TBC1D5: variants seen among roughly 807,000 people sequenced by gnomAD.
TBC1D5 encodes the protein TBC1 domain family member 5, also known as TBC1 domain family, member 5.
TBC1D5 carries 75 observed loss-of-function variants against 100.3 expected under a neutral mutation model. The observed-to-expected ratio is 0.75, with a 90% CI of 0.62 to 0.91. The LOEUF (loss-of-function observed/expected upper bound fraction) is 0.91. Among genes scored for constraint, TBC1D5 ranks in the 40% least tolerant of loss-of-function variants. TBC1D5 has a pLI of 0.00. For synonymous variants in TBC1D5, 323 were observed against 325.6 expected, an observed-to-expected ratio of 0.99 and a Z score of 0.09; for missense variants, 910 against 942.4, an observed-to-expected ratio of 0.97 and a Z score of 0.45.
chr3:17,728,387 G>A (rs1436479003), intron 1 of TBC1D5, among the ~76,000 whole-genome samples: 2 of 152,080 alleles, frequency 1.3e-5, no homozygotes, highest in Admixed American at 6.6e-5. Context: ...AGAATCAACT[G>A]AAAAACTATC....
At chr3:17,184,059 T>A (rs1031648339) in intron 19 of TBC1D5, among the ~76,000 whole-genome samples, 2 of 152,204 alleles carry the variant, frequency 1.3e-5, no homozygotes, top group Non-Finnish European at 2.9e-5. Flanking sequence ...AGGCTGTCCA[T>A]AAATGGGCTA....
At chr3:17,323,489 CTATT>C (rs61581313) in intron 13 of TBC1D5, among the ~76,000 whole-genome samples, 3,718 of 152,134 alleles carry the variant, frequency 0.024, 100 homozygotes, top group East Asian at 0.072. Context: ...AAACAAAACA[CTATT>C]TAAACTAGTG....
intron 1 of TBC1D5, among the ~76,000 whole-genome samples, chr3:17,678,666 T>TTAA (rs1222309989): frequency 4.6e-4 from 50 of 109,082 alleles, no homozygotes; most frequent in African/African-American, 2.0e-3. Flanking sequence ...AAAAGAGGGA[T>TTAA]AAAAAAAAAA....
At chr3:17,271,738 G>T (rs1166652441) in intron 15 of TBC1D5, among the ~76,000 whole-genome samples, 1 of 151,966 alleles carries the variant, frequency 6.6e-6, no homozygotes, top group South Asian at 2.1e-4. Flanking sequence ...GTTGGCTGTG[G>T]GTTTGTCATA....
chr3:17,471,080 C>A (rs543626644), intron 3 of TBC1D5, among the ~76,000 whole-genome samples: 20 of 152,274 alleles, frequency 1.3e-4, no homozygotes, highest in African/African-American at 4.8e-4. Context: ...CACTATCACT[C>A]CAGTGAGAAC....
intron 19 of TBC1D5, among the ~76,000 whole-genome samples, chr3:17,168,966 C>T (rs1037469596): frequency 3.9e-5 from 6 of 152,180 alleles, no homozygotes; most frequent in South Asian, 2.1e-4. Context: ...AGAACCAGTG[C>T]GCTGTGCCCT....
intron 2 of TBC1D5, among the ~76,000 whole-genome samples, chr3:17,532,724 A>G (rs2096242986): frequency 6.6e-6 from 1 of 152,088 alleles, no homozygotes; most frequent in Non-Finnish European, 1.5e-5. Context: ...TTCTCAGCAA[A>G]CTATCGCAAG....
chr3:17,234,086 AAAGT>A (rs1448350363), intron 17 of TBC1D5, among the ~76,000 whole-genome samples: 1 of 152,042 alleles, frequency 6.6e-6, no homozygotes, highest in African/African-American at 2.4e-5. Flanking sequence ...CTTTCATCCA[AAAGT>A]AAGTTATATG....
chr3:17,217,946 C>A (rs1245674854), intron 17 of TBC1D5, among the ~76,000 whole-genome samples: 4 of 151,992 alleles, frequency 2.6e-5, no homozygotes, highest in African/African-American at 9.7e-5. Flanking sequence ...AACCTGAGGT[C>A]ATGAAGATTT....
exon 15 of TBC1D5, chr3:17,291,961 C>G (rs769389485): frequency 6.2e-7 from 1 of 1,613,884 alleles, no homozygotes; most frequent in East Asian, 2.2e-5. Context: ...ATGGGTAATG[C>G]ATCAGAAGGC....
In TBC1D5 at chr3:17,729,353, G is replaced by GAGA. The variant is rs1553935304; in HGVS notation, c.-101+9989_-101+9990insTCT. On this transcript the variant is annotated intron_variant, in intron 1 of 21. Transcript: ENST00000253692. The stretch of plus-strand genomic sequence containing the variant: ...GATTTGTGAAAGATGAAATTTGAGA[G>GAGA]AAAAAAAAAAAAAACAGAACACAAA... Among the ~76,000 whole-genome samples, 619 of 125,960 alleles carry GAGA rather than the reference G, an allele frequency of 4.9e-3. 3 individuals carry two copies. The highest frequency in any genetic ancestry group is 7.3e-3 in the Non-Finnish European group (422 of 58,030). The allele number at this position is 125,960 out of a possible 152,430, so 82.6% of individuals were successfully genotyped here. A position where few individuals can be genotyped will look rare whatever the true frequency, so the allele number is the denominator to read the frequency against.
At chr3:17,244,724 G>T (rs2076581254) in intron 16 of TBC1D5, among the ~76,000 whole-genome samples, 1 of 152,010 alleles carries the variant, frequency 6.6e-6, no homozygotes, top group South Asian at 2.1e-4. Context: ...TCCTAACTCT[G>T]TCATTATTGA....
At chr3:17,602,873 C>T (rs919076414) in intron 2 of TBC1D5, among the ~76,000 whole-genome samples, 4 of 152,036 alleles carry the variant, frequency 2.6e-5, no homozygotes, top group African/African-American at 9.7e-5. Flanking sequence ...CCGTGCCCGG[C>T]CGACAATCAG....
intron 13 of TBC1D5, among the ~76,000 whole-genome samples, chr3:17,329,592 T>C (rs1357459551): frequency 2.0e-5 from 3 of 152,190 alleles, no homozygotes; most frequent in Admixed American, 1.3e-4. Flanking sequence ...AAACTCAATT[T>C]TGCAAAGTGA....
intron 1 of TBC1D5, among the ~76,000 whole-genome samples, chr3:17,728,241 C>A (rs916137510): frequency 6.6e-6 from 1 of 152,082 alleles, no homozygotes; most frequent in Non-Finnish European, 1.5e-5. Flanking sequence ...GCTGCCATCA[C>A]TATTAATTAA....
At chr3:17,262,185 G>C (rs1178897770) in intron 15 of TBC1D5, among the ~76,000 whole-genome samples, 1 of 152,112 alleles carries the variant, frequency 6.6e-6, no homozygotes, top group Non-Finnish European at 1.5e-5. Context: ...AGATGGTATA[G>C]CTTATTACAC....
intron 3 of TBC1D5, among the ~76,000 whole-genome samples, chr3:17,454,648 G>A (rs997174197): frequency 1.4e-4 from 22 of 152,132 alleles, no homozygotes; most frequent in African/African-American, 5.3e-4. Context: ...TTTTAGTAGA[G>A]ATGGGGTTTC....
intron 2 of TBC1D5, among the ~76,000 whole-genome samples, chr3:17,519,511 C>T (rs2096037343): frequency 6.6e-6 from 1 of 152,170 alleles, no homozygotes; most frequent in Non-Finnish European, 1.5e-5. Flanking sequence ...TGCCCACTTA[C>T]CTTATGCATA....
chr3:17,452,988 C>T (rs1000189791), intron 3 of TBC1D5, among the ~76,000 whole-genome samples: 1 of 146,342 alleles, frequency 6.8e-6, no homozygotes, highest in African/African-American at 2.5e-5. Context: ...AATAAAACTA[C>T]AAATCAATAA....
Sources: allele counts gnomAD v4.1 joint callset (sites outside exome capture counted in the v4.1 genomes callset), GRCh38; gene constraint gnomAD v4.1.1; transcripts MANE v1.5; gene names NCBI Gene and HGNC (gene_info 2026-07-23, HGNC 2026-07-21).